Variants in GPRC5B observed in about 807,000 individuals in gnomAD.
The protein encoded by GPRC5B is G protein-coupled receptor family C group 5 member B.
Under a neutral mutation model 30.1 loss-of-function variants are expected in GPRC5B, and 16 were observed. That is an observed-to-expected ratio of 0.53 (90% CI 0.36 to 0.81). GPRC5B has a LOEUF of 0.81. Ranked by LOEUF, GPRC5B falls within the 30% of genes least tolerant of loss-of-function variation. GPRC5B has a pLI of 0.01. For missense variants in GPRC5B, 428 were observed against 544.7 expected, an observed-to-expected ratio of 0.79 and a Z score of 2.13; for synonymous variants, 241 against 239.5, an observed-to-expected ratio of 1.01 and a Z score of -0.06.
chr16:19,868,042 G>A (rs186228248), intron 2 of GPRC5B, among the ~76,000 whole-genome samples: 132 of 152,020 alleles, frequency 8.7e-4, no homozygotes, highest in African/African-American at 3.0e-3. Context: ...ACTCCAGCTC[G>A]GGTGACAGAG....
intron 1 of GPRC5B, among the ~76,000 whole-genome samples, chr16:19,878,823 A>G (rs569073120): frequency 1.3e-5 from 2 of 152,146 alleles, no homozygotes; most frequent in South Asian, 4.1e-4. Flanking sequence ...GAGGAAACTG[A>G]GGGTCTGAGA....
chr16:19,875,520 G>A (rs993881674), intron 1 of GPRC5B, among the ~76,000 whole-genome samples: 4 of 152,210 alleles, frequency 2.6e-5, no homozygotes, highest in African/African-American at 9.6e-5. Flanking sequence ...GCTCATAACT[G>A]TAATCCCAGC....
upstream of GPRC5B, chr16:19,885,203 C>G: frequency 7.8e-7 from 1 of 1,288,410 alleles, no homozygotes; most frequent in African/African-American, 1.5e-5. This position sits in a 1 kb window ranked among gnomAD's most constrained non-coding sequence, Gnocchi z 5.3. Flanking sequence ...ATACACTTAC[C>G]GAGGGAGGTA....
chr16:19,856,989 ATAAAAAAGACCTTATACTTAATGAT>A lies in GPRC5B; in HGVS notation c.*3486_*3510del, dbSNP rs1262010880. ...TACCTAGTGACTGACTACTCTCTTT[ATAAAAAAGACCTTATACTTAATGAT>A]CATTTCCAAAGGAGACCACTCCTTA... On this transcript the variant is annotated 3_prime_UTR_variant, in exon 4 of 4. Transcript: ENST00000300571. The A allele has an allele frequency of 5.9e-6, 1 of 168,762 alleles. No homozygotes were observed. Among genetic ancestry groups the A allele is most frequent in the Non-Finnish European group, 1.3e-5 (1 of 79,170 alleles). 10.5% of individuals were successfully genotyped at this position (168,762 alleles called of 1,614,324 possible). A position where few individuals can be genotyped will look rare whatever the true frequency, so the allele number is the denominator to read the frequency against.
At chr16:19,861,730 C>A (rs2056624333) in intron 3 of GPRC5B, 107 bp downstream of exon 3, 2 of 886,926 alleles carry the variant, frequency 2.3e-6, no homozygotes, top group African/African-American at 3.3e-5. Flanking sequence ...GCGGTCCTTG[C>A]AGGCCACATG....
chr16:19,858,377 T>C lies in GPRC5B; in HGVS notation c.*2123A>G. On this transcript the variant is annotated 3_prime_UTR_variant, in exon 4 of 4. Transcript: ENST00000300571. Reference sequence around the variant, plus strand: ...TTCCCATGGCTCAAAGATGGCTCTGTTCTTATGCTGGGGAAGCACGACTTT... The same window carrying C: ...TTCCCATGGCTCAAAGATGGCTCTGCTCTTATGCTGGGGAAGCACGACTTT... The C allele has an allele frequency of 2.0e-6, 1 of 489,970 alleles. No homozygotes were observed. The highest frequency in any genetic ancestry group is 3.6e-6 in the Non-Finnish European group (1 of 274,098). 30.4% of individuals were successfully genotyped at this position (489,970 alleles called of 1,614,324 possible). A position where few individuals can be genotyped will look rare whatever the true frequency, so the allele number is the denominator to read the frequency against.
intron 1 of GPRC5B, among the ~76,000 whole-genome samples, chr16:19,880,340 A>G (rs2056795809): frequency 6.6e-6 from 1 of 150,732 alleles, no homozygotes; most frequent in South Asian, 2.1e-4. Context: ...CTGTAATCCC[A>G]GCACTCTGGA....
chr16:19,867,992 G>A (rs976042086), intron 2 of GPRC5B, among the ~76,000 whole-genome samples: 1 of 152,154 alleles, frequency 6.6e-6, no homozygotes, highest in Non-Finnish European at 1.5e-5. Flanking sequence ...GCTTGAACCC[G>A]GGAGGTGGAG....
intron 1 of GPRC5B, chr16:19,874,682 C>T (rs939920521): frequency 6.6e-6 from 1 of 152,206 alleles, no homozygotes; most frequent in Non-Finnish European, 1.5e-5. Flanking sequence ...CTGTGACAAC[C>T]CAAAATGTCT....
At position 19,872,041 on chromosome 16, in the gene GPRC5B, C is replaced by G. The variant is rs760177081; in HGVS notation, c.805G>C (p.Asp269His). The change falls in exon 2 of 4, where the codon GAC becomes CAC. Residue 269 changes from aspartate to histidine, a missense_variant. By Grantham distance (81) the Asp-to-His change is moderately conservative. Coordinates refer to ENST00000300571, the MANE Select transcript of GPRC5B (RefSeq NM_016235.3). This position sits in a 1 kb window ranked among gnomAD's most constrained non-coding sequence, Gnocchi z 5.0. ...GCCAGCGTGATGGCCAAGGTGGGGTCGTTCCAGGCATCCCCCTGCTGCAGC... is the reference window on the plus strand; with the variant it reads ...GCCAGCGTGATGGCCAAGGTGGGGTGGTTCCAGGCATCCCCCTGCTGCAGC... ...VKLQQGDAWN[D>H]PTLAITLAAS... 6.2e-7 allele frequency: 1 copy of G among 1,613,992 alleles called. No individual in the cohort carries two copies. The highest frequency in any genetic ancestry group is 8.5e-7 in the Non-Finnish European group (1 of 1,179,980).
At chr16:19,883,681 G>GAC (rs906056872) in intron 1 of GPRC5B, among the ~76,000 whole-genome samples, 4 of 152,254 alleles carry the variant, frequency 2.6e-5, no homozygotes, top group Non-Finnish European at 1.5e-5. Context: ...CCCAGGCGGG[G>GAC]ACGCCGCTGC....
chr16:19,866,756 G>A (rs2056671218), intron 2 of GPRC5B, among the ~76,000 whole-genome samples: 1 of 152,136 alleles, frequency 6.6e-6, no homozygotes, highest in African/African-American at 2.4e-5. Flanking sequence ...CCACCAAGAA[G>A]GAGTAATAAA....
chr16:19,875,971 C>T (rs1367595424), intron 1 of GPRC5B, among the ~76,000 whole-genome samples: 1 of 152,136 alleles, frequency 6.6e-6, no homozygotes, highest in African/African-American at 2.4e-5. Context: ...TGCCAACAGT[C>T]CCCGACCCAG....
chr16:19,860,687 A>G, intron 3 of GPRC5B, 143 bp from the exon 4 acceptor site: 2 of 590,366 alleles, frequency 3.4e-6, no homozygotes, highest in Non-Finnish European at 6.1e-6. Flanking sequence ...GAGAGGCAGC[A>G]ATGACTGTGA....
Position 19,858,457 on chromosome 16 carries a change from TAGA to T in GPRC5B, c.*2040_*2042del. 2 of 674,970 alleles carry T rather than the reference TAGA, an allele frequency of 3.0e-6. No homozygotes were observed. The highest frequency in any genetic ancestry group is 3.2e-5 in the South Asian group (2 of 62,750). The allele number at this position is 674,970 out of a possible 1,614,324, so 41.8% of individuals were successfully genotyped here. On this transcript the variant is annotated 3_prime_UTR_variant, in exon 4 of 4. Coordinates refer to ENST00000300571, the MANE Select transcript of GPRC5B (RefSeq NM_016235.3). ...TTATATGCTTGGACAATAAAGAACT[TAGA>T]AAACGAACGTGTGAATTGCTCCATC...
At chr16:19,880,826 A>G (rs145319427) in intron 1 of GPRC5B, 2 of 152,170 alleles carry the variant, frequency 1.3e-5, no homozygotes, top group East Asian at 1.9e-4. Flanking sequence ...AATGTACAAA[A>G]CCATTCTAGA....
chr16:19,868,744 C>T lies in GPRC5B; in HGVS notation c.1030+3072G>A, dbSNP rs577879339. Among the ~76,000 whole-genome samples, 45 of 152,276 alleles carry T rather than the reference C, an allele frequency of 3.0e-4. 3 individuals carry two copies. The South Asian group carries it at 8.5e-3, about 29-fold the overall frequency. ...CACTGGGATTTCCAGCCCTATCTAG[C>T]GGAGAGGCCACTGGCGTTCCCTCCT... On this transcript the variant is annotated intron_variant, in intron 2 of 3. Transcript: ENST00000300571.
In GPRC5B at chr16:19,884,718, C is replaced by G; in HGVS notation, c.-2+9G>C. 16 of 985,204 alleles carry G rather than the reference C, an allele frequency of 1.6e-5. No individual in the cohort carries two copies. Among genetic ancestry groups the G allele is most frequent in the Non-Finnish European group, 1.9e-5 (16 of 829,828 alleles). 61.0% of individuals were successfully genotyped at this position (985,204 alleles called of 1,614,324 possible). On this transcript the variant is annotated intron_variant, in intron 1 of 3. Transcript: ENST00000300571. Reference sequence around the variant, plus strand: ...CGTCCTCCACTGCATCGGCGCAGCTCGCACTTACCGACCCCCGCGGCCCCG... The same window carrying G: ...CGTCCTCCACTGCATCGGCGCAGCTGGCACTTACCGACCCCCGCGGCCCCG...
chr16:19,865,885 T>C (rs2056662399), intron 2 of GPRC5B, among the ~76,000 whole-genome samples: 2 of 152,062 alleles, frequency 1.3e-5, no homozygotes, highest in African/African-American at 4.8e-5. Flanking sequence ...AAATACCTAA[T>C]ACCAAACTCA....
Sources: allele counts gnomAD v4.1 joint callset (sites outside exome capture counted in the v4.1 genomes callset), GRCh38; gene constraint gnomAD v4.1.1; non-coding constraint Gnocchi (gnomAD v3.1); transcripts MANE v1.5; gene names NCBI Gene and HGNC (gene_info 2026-07-23, HGNC 2026-07-21).